The following DUSP1 variants were observed in gnomAD, a reference collection of about 807,000 sequenced individuals.
DUSP1 encodes dual specificity phosphatase 1, also known as dual specificity protein phosphatase 1.
In DUSP1, 10 loss-of-function variants were observed where a neutral mutation model predicts 27.4. The observed-to-expected ratio is 0.37, with a 90% CI of 0.23 to 0.62. The LOEUF (loss-of-function observed/expected upper bound fraction) is 0.62. Ranked by LOEUF, DUSP1 falls within the 20% of genes least tolerant of loss-of-function variation. The pLI, the probability that DUSP1 is intolerant of heterozygous loss-of-function variation, is 0.68. For missense variants in DUSP1, 425 were observed against 508.1 expected (o/e 0.84, Z 1.57); for synonymous variants, 262 against 223.6 (o/e 1.17, Z -1.53).
intron 2 of DUSP1, 34 bp from the exon 3 acceptor site, chr5:172,769,828 T>C: frequency 6.2e-7 from 1 of 1,601,138 alleles, no homozygotes; most frequent in South Asian, 1.1e-5. Context: ...TTCATCAAGC[T>C]TGCTCAAAGC....
intron 1 of DUSP1, 81 bp from the exon 2 acceptor site, chr5:172,770,387 G>A (rs766020295): frequency 1.2e-5 from 19 of 1,580,792 alleles, no homozygotes; most frequent in Non-Finnish European, 1.5e-5. Context: ...ACCCACCAAG[G>A]GCTGGAAGTT....
Position 172,770,260 on chromosome 5 carries a change from T to C in DUSP1, c.414A>G (p.Lys138=), listed in dbSNP as rs753479437. 16 of 1,610,696 alleles carry C rather than the reference T, an allele frequency of 9.9e-6. No homozygotes were observed. The highest frequency in any genetic ancestry group is 1.3e-5 in the Non-Finnish European group (15 of 1,178,926). The change falls in exon 2 of 4, where the codon AAA becomes AAG. Residue 138 remains lysine (K), a synonymous_variant. Coordinates refer to ENST00000239223, the MANE Select transcript of DUSP1 (RefSeq NM_004417.4). ...FSASCPELCS[K]QSTPMGLSLP... is the part of the protein sequence containing the mutation. ...GGCTGAGCCCCATGGGGGTCGACTG[T>C]TTGCTGCACAGCTCCGGGCAGGAAG...
rs200141460 is a variant in DUSP1, at chr5:172,768,873, T to C, written c.993A>G (p.Arg331=). The change falls in exon 4 of 4, where the codon CGA becomes CGG. Residue 331 remains arginine, a synonymous_variant. Coordinates refer to ENST00000239223, the MANE Select transcript of DUSP1 (RefSeq NM_004417.4). ...AGSPAMAVLD[R]GTSTTTVFNF... is the part of the protein sequence containing the mutation. ...TGAACACGGTGGTGGTGGAGGTGCC[T>C]CGGTCGAGCACAGCCATGGCGGGGC... 5.0e-6 allele frequency: 8 copies of C among 1,610,198 alleles called. No individual in the cohort carries two copies. The Admixed American group carries it at 1.0e-4, about 20-fold the overall frequency.
At position 172,768,227 on chromosome 5, in the gene DUSP1, T is replaced by TA. The variant is rs11363866; in HGVS notation, c.*534dup. ...CAGCAAACATACAACTGTTGGCAAC[T>TA]AAAAAAAAACCCAACACTGGTATTT... On this transcript the variant is annotated 3_prime_UTR_variant, in exon 4 of 4. Transcript: ENST00000239223. The TA allele has an allele frequency of 0.061, 9,217 of 150,746 alleles. 334 individuals are homozygous for TA. The highest frequency in any genetic ancestry group is 0.12 in the African/African-American group (4,781 of 41,124). The allele number at this position is 150,746 out of a possible 1,614,324, so 9.3% of individuals were successfully genotyped here. A position where few individuals can be genotyped will look rare whatever the true frequency, so the allele number is the denominator to read the frequency against.
Position 172,771,109 on chromosome 5 carries a change from G to C in DUSP1, c.-157C>G. On this transcript the variant is annotated 5_prime_UTR_variant, in exon 1 of 4. Coordinates refer to ENST00000239223, the MANE Select transcript of DUSP1 (RefSeq NM_004417.4). ...TTTTGGACTGAGAGAGGAGCGTCAC[G>C]CGGGGCTCCGGGCTCCTCGGCTTCT... is the stretch of plus-strand genomic sequence containing the variant. The C allele has an allele frequency of 9.5e-7, 1 of 1,058,172 alleles. No homozygotes were observed. The highest frequency in any genetic ancestry group is 1.2e-6 in the Non-Finnish European group (1 of 809,960). The allele number at this position is 1,058,172 out of a possible 1,614,324, so 65.5% of individuals were successfully genotyped here. A position where few individuals can be genotyped will look rare whatever the true frequency, so the allele number is the denominator to read the frequency against.
intron 2 of DUSP1, 152 bp downstream of exon 2, chr5:172,770,009 C>A: frequency 7.6e-7 from 1 of 1,313,712 alleles, no homozygotes; most frequent in Non-Finnish European, 1.0e-6. Flanking sequence ...GACTCGGCTC[C>A]GTCAGACCAC....
At position 172,771,039 on chromosome 5, in the gene DUSP1, G is replaced by A; in HGVS notation, c.-87C>T. 7.6e-7 allele frequency: 1 copy of A among 1,317,338 alleles called. No homozygotes were observed. The highest frequency in any genetic ancestry group is 9.7e-7 in the Non-Finnish European group (1 of 1,031,198). The allele number at this position is 1,317,338 out of a possible 1,614,324, so 81.6% of individuals were successfully genotyped here. A position where few individuals can be genotyped will look rare whatever the true frequency, so the allele number is the denominator to read the frequency against. On this transcript the variant is annotated 5_prime_UTR_variant, in exon 1 of 4. Coordinates refer to ENST00000239223, the MANE Select transcript of DUSP1 (RefSeq NM_004417.4). ...CAAGGGCAGGGCGGCGCTTTTCGAGGAAAAGCTAGACCCCCGGGTCTCTCT... is the reference window on the plus strand; with the variant it reads ...CAAGGGCAGGGCGGCGCTTTTCGAGAAAAAGCTAGACCCCCGGGTCTCTCT...
Position 172,771,185 on chromosome 5 carries a change from A to C in DUSP1, c.-233T>G. The C allele has an allele frequency of 4.2e-6, 2 of 475,900 alleles. No homozygotes were observed. Among genetic ancestry groups the C allele is most frequent in the East Asian group, 3.8e-5 (1 of 26,626 alleles). The allele number at this position is 475,900 out of a possible 1,614,324, so 29.5% of individuals were successfully genotyped here. ...GACCCGCGTCGCACACACAGCCCAAATGTCCTTCGCAGCGAGCCTGGCCCG... is the reference window on the plus strand; with the variant it reads ...GACCCGCGTCGCACACACAGCCCAACTGTCCTTCGCAGCGAGCCTGGCCCG... On this transcript the variant is annotated 5_prime_UTR_variant, in exon 1 of 4. Coordinates refer to ENST00000239223, the MANE Select transcript of DUSP1 (RefSeq NM_004417.4).
intron 2 of DUSP1, 97 bp from the exon 3 acceptor site, chr5:172,769,891 G>A: frequency 7.3e-7 from 1 of 1,378,070 alleles, no homozygotes; most frequent in Non-Finnish European, 9.9e-7. Context: ...GTCAATTTCA[G>A]ATACCGAGTG....
chr5:172,770,348 G>A (rs200075169), intron 1 of DUSP1, 42 bp from the exon 2 acceptor site: 4 of 1,608,590 alleles, frequency 2.5e-6, no homozygotes, highest in African/African-American at 1.3e-5. Flanking sequence ...TAGTGACACC[G>A]GGACACGGCA....
Position 172,770,241 on chromosome 5 carries a change from G to C in DUSP1, c.433C>G (p.Leu145Val). Residue 145 changes from leucine to valine, a missense_variant, in exon 2 of 4, where the codon CTC (leucine) becomes GTC (valine). Transcript: ENST00000239223. The stretch of plus-strand genomic sequence containing the variant: ...ACGCTAGTACTCAGGGGAAGGCTGA[G>C]CCCCATGGGGGTCGACTGTTTGCTG... Reference protein sequence around the residue: ...LCSKQSTPMGLSLPLSTSVPD... With the variant: ...LCSKQSTPMGVSLPLSTSVPD... The C allele has an allele frequency of 6.2e-7, 1 of 1,611,086 alleles. No homozygotes were observed. Among genetic ancestry groups the C allele is most frequent in the Non-Finnish European group, 8.5e-7 (1 of 1,179,090 alleles).
chr5:172,769,280 G>C, intron 3 of DUSP1, 148 bp from the exon 4 acceptor site: 1 of 1,253,330 alleles, frequency 8.0e-7, no homozygotes, highest in South Asian at 1.5e-5. Context: ...TGTTCATGGA[G>C]GCAACGTGGG....
At chr5:172,770,036 T>C (rs35084382) in intron 2 of DUSP1, 125 bp downstream of exon 2, 56,623 of 1,392,732 alleles carry the variant, frequency 0.041, 1,342 homozygotes, top group Non-Finnish European at 0.047. Flanking sequence ...GTGGAATAAA[T>C]CATATCCCTG....
Position 172,770,505 on chromosome 5 carries a change from T to C in DUSP1, c.367+81A>G, listed in dbSNP as rs1024186981. ...CGCCCACGCGCTGCAGGTGGGGCGA[T>C]CCCCCGGGAGCCGAGAGCCAGGGGT... On this transcript the variant is annotated intron_variant, in intron 1 of 3. Transcript: ENST00000239223. 93 of 1,470,804 alleles carry C rather than the reference T, an allele frequency of 6.3e-5. 1 individual carries two copies. In the African/African-American group the frequency reaches 1.2e-3, roughly 19 times the overall value. The allele number at this position is 1,470,804 out of a possible 1,614,324, so 91.1% of individuals were successfully genotyped here.
At chr5:172,769,543 G>A (rs1759848114) in intron 3 of DUSP1, 32 bp downstream of exon 3, 1 of 1,610,942 alleles carries the variant, frequency 6.2e-7, no homozygotes, top group African/African-American at 1.3e-5. Context: ...GAAGAGAAAG[G>A]CAGAAAAGCC....
rs1244081321 is a variant in DUSP1 at position 172,770,255 on chromosome 5, G to A, written c.419C>T (p.Ser140Leu). 9.9e-6 allele frequency: 16 copies of A among 1,610,720 alleles called. No homozygotes were observed. The Admixed American group carries it at 2.2e-4, about 22-fold the overall frequency. ...GGGAAGGCTGAGCCCCATGGGGGTCGACTGTTTGCTGCACAGCTCCGGGCA... is the reference window on the plus strand; with the variant it reads ...GGGAAGGCTGAGCCCCATGGGGGTCAACTGTTTGCTGCACAGCTCCGGGCA... ...ASCPELCSKQ[S>L]TPMGLSLPLS... Residue 140 changes from serine (S) to leucine (L), a missense_variant, in exon 2 of 4, where the codon TCG becomes TTG. Around this residue, in one of 3 missense-constraint regions of DUSP1, gnomAD observed 282 missense variants for 319.3 expected, o/e 0.88. Coordinates refer to ENST00000239223, the MANE Select transcript of DUSP1 (RefSeq NM_004417.4).
rs1766095502 is a variant in DUSP1, at chr5:172,770,990, G to A, written c.-38C>T. The A allele has an allele frequency of 2.2e-6, 3 of 1,379,774 alleles. No individual in the cohort carries two copies. Among genetic ancestry groups the A allele is most frequent in the African/African-American group, 1.5e-5 (1 of 66,702 alleles). The allele number at this position is 1,379,774 out of a possible 1,614,324, so 85.5% of individuals were successfully genotyped here. On this transcript the variant is annotated 5_prime_UTR_variant, in exon 1 of 4. Transcript: ENST00000239223. ...CGCCCCCAGCGTGATCGGCCCTGCG[G>A]TGCTCTTTGTCTGTTCTCGGGGCCA...
rs1759874710 is a variant in DUSP1, at chr5:172,770,644, G to T, written c.309C>A (p.Ala103=). 2 of 1,312,942 alleles carry T rather than the reference G, an allele frequency of 1.5e-6. No homozygotes were observed. Among genetic ancestry groups the T allele is most frequent in the African/African-American group, 1.5e-5 (1 of 65,238 alleles). The allele number at this position is 1,312,942 out of a possible 1,614,324, so 81.3% of individuals were successfully genotyped here. A position where few individuals can be genotyped will look rare whatever the true frequency, so the allele number is the denominator to read the frequency against. ...LDGAKRDGTL[A]LAAGALCREA... ...CGCGGCAGAGCGCGCCGGCCGCCAG[G>T]GCCAGGGTGCCGTCGCGCTTGGCGC... The change falls in exon 1 of 4, where the codon GCC becomes GCA. Residue 103 remains alanine (A), a synonymous_variant. Coordinates refer to ENST00000239223, the MANE Select transcript of DUSP1 (RefSeq NM_004417.4).
Position 172,770,279 on chromosome 5 carries a change from C to T in DUSP1, c.395G>A (p.Cys132Tyr). Residue 132 changes from cysteine (C) to tyrosine (Y), a missense_variant, in exon 2 of 4, where the codon TGC (cysteine) becomes TAC (tyrosine). Coordinates refer to ENST00000239223, the MANE Select transcript of DUSP1 (RefSeq NM_004417.4). Reference protein sequence around the residue: ...KGGYEAFSASCPELCSKQSTP... With the variant: ...KGGYEAFSASYPELCSKQSTP... ...CGACTGTTTGCTGCACAGCTCCGGG[C>T]AGGAAGCCGAAAACGCTTCGTATCC... The T allele has an allele frequency of 6.2e-7, 1 of 1,611,438 alleles. No homozygotes were observed. The highest frequency in any genetic ancestry group is 1.1e-5 in the South Asian group (1 of 90,668).
Sources: allele counts gnomAD v4.1 joint callset, GRCh38; gene constraint gnomAD v4.1.1; regional missense constraint gnomAD v4.1.1; transcripts MANE v1.5; gene names NCBI Gene and HGNC (gene_info 2026-07-23, HGNC 2026-07-21).